DLG2: variants seen among roughly 807,000 people sequenced by gnomAD.
DLG2 encodes the protein discs large MAGUK scaffold protein 2, also known as disks large homolog 2.
In DLG2, 45 loss-of-function variants were observed where a neutral mutation model predicts 132.5. That is an observed-to-expected ratio of 0.34 (90% confidence interval 0.27 to 0.44). DLG2 has a LOEUF of 0.44. DLG2 is among the 20% of genes least tolerant of loss of function. The pLI, the probability that DLG2 is intolerant of heterozygous loss-of-function variation, is 1.00. For missense variants in DLG2, 1,045 were observed against 1,196.9 expected (o/e 0.87, Z 1.87); for synonymous variants, 424 against 419.6 (o/e 1.01, Z -0.13).
intron 15 of DLG2, among the ~76,000 whole-genome samples, chr11:83,890,521 A>G (rs868237243): frequency 1.3e-5 from 2 of 152,078 alleles, no homozygotes; most frequent in Non-Finnish European, 2.9e-5. Flanking sequence ...TGTGATGGGG[A>G]AGGAGCATGG....
intron 8 of DLG2, 60 bp from the exon 9 acceptor site, chr11:84,163,571 T>C: frequency 1.4e-6 from 2 of 1,397,442 alleles, no homozygotes; most frequent in Non-Finnish European, 9.8e-7. Flanking sequence ...AGGAGACAGC[T>C]GCATTTTAAA....
At chr11:85,089,827 T>C (rs549937416) in intron 6 of DLG2, among the ~76,000 whole-genome samples, 2 of 152,212 alleles carry the variant, frequency 1.3e-5, no homozygotes, top group South Asian at 4.1e-4. Context: ...GAAAAAGTGT[T>C]CAACATCACT....
intron 6 of DLG2, among the ~76,000 whole-genome samples, chr11:84,603,645 C>G (rs1397519722): frequency 1.3e-5 from 2 of 151,958 alleles, no homozygotes; most frequent in African/African-American, 4.8e-5. Flanking sequence ...CCTGAGTCAT[C>G]TTTGACTCTC....
chr11:85,529,943 T>C (rs1394568352), intron 3 of DLG2, among the ~76,000 whole-genome samples: 1 of 152,062 alleles, frequency 6.6e-6, no homozygotes, highest in Non-Finnish European at 1.5e-5. Flanking sequence ...CACTTTCTCT[T>C]CTAGCCAAGT....
At chr11:83,681,112 T>C (rs748806180) in intron 18 of DLG2, among the ~76,000 whole-genome samples, 9 of 152,110 alleles carry the variant, frequency 5.9e-5, no homozygotes, top group Admixed American at 5.9e-4. Context: ...GAAAAAAATG[T>C]CCTTGCTACT....
At chr11:84,740,911 C>T (rs2064530507) in intron 6 of DLG2, among the ~76,000 whole-genome samples, 3 of 152,076 alleles carry the variant, frequency 2.0e-5, no homozygotes. Context: ...TGAGAAACAG[C>T]CTCATGGTGC....
Position 84,163,469 on chromosome 11 carries a change from G to T in DLG2, c.616C>A (p.Leu206Met). 6.2e-7 allele frequency: 1 copy of T among 1,606,564 alleles called. No homozygotes were observed. The highest frequency in any genetic ancestry group is 8.5e-7 in the Non-Finnish European group (1 of 1,177,260). The change falls in exon 9 of 28, where the codon CTG becomes ATG. Residue 206 changes from leucine (L) to methionine (M), a missense_variant. Around this residue, in one of 4 missense-constraint regions of DLG2, gnomAD observed 277 missense variants for 238.2 expected, o/e 1.16. Coordinates refer to ENST00000376104, the MANE Select transcript of DLG2 (RefSeq NM_001142699.3). ...TCAAAATTTTTTCTTACCCTCTCCA[G>T]TGTAATTTCTTCAAATTCATATTCA... The part of the protein sequence containing the change: ...EIEYEFEEIT[L>M]ERGNSGLGFS...
rs200819218 is a variant in DLG2 at position 84,378,993 on chromosome 11, CA to C, written c.520-127703del. 6.8e-3 allele frequency among the ~76,000 whole-genome samples: 961 copies of C among 140,706 alleles called. 8 individuals are homozygous for C. Among genetic ancestry groups the C allele is most frequent in the African/African-American group, 0.019 (741 of 38,534 alleles). The allele number at this position is 140,706 out of a possible 152,430, so 92.3% of individuals were successfully genotyped here. A position where few individuals can be genotyped will look rare whatever the true frequency, so the allele number is the denominator to read the frequency against. On this transcript the variant is annotated intron_variant, in intron 7 of 27. Coordinates refer to ENST00000376104, the MANE Select transcript of DLG2 (RefSeq NM_001142699.3). Reference sequence around the variant, plus strand: ...AAAAACAAACATAAACAAACAATAACAAAAAAAAAAAGAGTGTAAAGTTGTC... The same window carrying C: ...AAAAACAAACATAAACAAACAATAACAAAAAAAAAAGAGTGTAAAGTTGTC...
chr11:85,204,410 AC>A (rs2081712480), intron 4 of DLG2, among the ~76,000 whole-genome samples: 1 of 152,162 alleles, frequency 6.6e-6, no homozygotes, highest in Non-Finnish European at 1.5e-5. Flanking sequence ...TGAAAAAGAA[AC>A]CAAGAAGGCA....
Position 83,965,448 on chromosome 11 carries a change from T to C in DLG2, c.1077A>G (p.Glu359=), listed in dbSNP as rs1189711020. The C allele has an allele frequency of 2.5e-6, 4 of 1,609,914 alleles. No homozygotes were observed. The Admixed American group carries it at 6.7e-5, about 27-fold the overall frequency. ...RLLMVNNYSL[E]EVTHEEAVAI... ...CTACTGCCTCTTCGTGTGTTACTTC[T>C]TCTAAACTGTAGTTGTTTACCTGAA... is the stretch of plus-strand genomic sequence containing the variant. The change falls in exon 13 of 28, where the codon GAA becomes GAG. Residue 359 remains glutamate (E), a synonymous_variant. Coordinates refer to ENST00000376104, the MANE Select transcript of DLG2 (RefSeq NM_001142699.3).
intron 3 of DLG2, among the ~76,000 whole-genome samples, chr11:85,321,783 T>G (rs2081085426): frequency 6.6e-6 from 1 of 152,030 alleles, no homozygotes; most frequent in South Asian, 2.1e-4. Flanking sequence ...GTTTAGTCAT[T>G]GATAACACTG....
intron 6 of DLG2, among the ~76,000 whole-genome samples, chr11:85,076,637 C>G (rs1364177339): frequency 6.6e-6 from 1 of 152,008 alleles, no homozygotes; most frequent in Non-Finnish European, 1.5e-5. Context: ...TAGTCATACT[C>G]TGGCACACTC....
At chr11:85,506,112 T>C (rs1418694802) in intron 3 of DLG2, among the ~76,000 whole-genome samples, 7 of 152,174 alleles carry the variant, frequency 4.6e-5, no homozygotes, top group Admixed American at 4.6e-4. Context: ...TTCTCTCTTT[T>C]CTTCTTTATT....
chr11:84,464,136 GA>G (rs940014138), intron 7 of DLG2, among the ~76,000 whole-genome samples: 1 of 151,186 alleles, frequency 6.6e-6, no homozygotes, highest in African/African-American at 2.4e-5. Context: ...ACATTACTGA[GA>G]AGCTACTATA....
intron 10 of DLG2, among the ~76,000 whole-genome samples, chr11:84,065,034 C>G (rs4409860): frequency 0.99 from 150,871 of 152,294 alleles, 74,798 homozygotes; most frequent in Middle Eastern, 1. Flanking sequence ...GATTGCAATT[C>G]GACCCCTTCC....
intron 18 of DLG2, among the ~76,000 whole-genome samples, chr11:83,734,550 A>G (rs1022902007): frequency 5.9e-5 from 9 of 152,090 alleles, no homozygotes; most frequent in African/African-American, 1.9e-4. Flanking sequence ...TCACAGGTTC[A>G]AGCGATTCTT....
intron 6 of DLG2, among the ~76,000 whole-genome samples, chr11:85,068,000 T>C (rs1486357688): frequency 3.3e-5 from 5 of 151,954 alleles, no homozygotes; most frequent in African/African-American, 1.2e-4. Flanking sequence ...TTTCAACATA[T>C]GCAAATCAAT....
At chr11:83,913,102 C>A (rs553510955) in intron 15 of DLG2, among the ~76,000 whole-genome samples, 1 of 152,212 alleles carries the variant, frequency 6.6e-6, no homozygotes, top group Admixed American at 6.6e-5. Flanking sequence ...CCCTTAACTT[C>A]TCTCTCATTT....
At chr11:84,606,488 A>G (rs1052849010) in intron 6 of DLG2, among the ~76,000 whole-genome samples, 7 of 152,148 alleles carry the variant, frequency 4.6e-5, no homozygotes, top group Non-Finnish European at 8.8e-5. Flanking sequence ...AATTTTCTAT[A>G]TTAAGCATGC....
Sources: allele counts gnomAD v4.1 joint callset (sites outside exome capture counted in the v4.1 genomes callset), GRCh38; gene constraint gnomAD v4.1.1; regional missense constraint gnomAD v4.1.1; transcripts MANE v1.5; gene names NCBI Gene and HGNC (gene_info 2026-07-23, HGNC 2026-07-21).